The following ANXA4 variants were observed in gnomAD, a reference collection of about 807,000 sequenced individuals.
ANXA4 encodes annexin A4.
Under a neutral mutation model 49.8 loss-of-function variants are expected in ANXA4, and 39 were observed. That is an observed-to-expected ratio of 0.78 (90% CI 0.61 to 1.02). The LOEUF (loss-of-function observed/expected upper bound fraction) is 1.02. Among genes scored for constraint, ANXA4 ranks in the 50% least tolerant of loss-of-function variants. The pLI is 0.00. For missense variants in ANXA4, 360 were observed against 410.1 expected (o/e 0.88, Z 1.05); for synonymous variants, 134 against 152.5 (o/e 0.88, Z 0.89).
At chr2:69,761,697 G>GA (rs1671294432) in intron 1 of ANXA4, among the ~76,000 whole-genome samples, 1 of 151,310 alleles carries the variant, frequency 6.6e-6, no homozygotes, top group Non-Finnish European at 1.5e-5. Flanking sequence ...GAGGTGGTAG[G>GA]ATCGCTTGAG....
chr2:69,644,654 C>G (rs549139988), exon 1 of ANXA4: 1 of 152,342 alleles, frequency 6.6e-6, no homozygotes, highest in South Asian at 2.1e-4. Flanking sequence ...GGCTTGACCT[C>G]AAAACTCGGG....
intron 1 of ANXA4, among the ~76,000 whole-genome samples, chr2:69,750,553 T>C: frequency 6.6e-6 from 1 of 152,144 alleles, no homozygotes; most frequent in East Asian, 1.9e-4. Flanking sequence ...GCTGGAACTA[T>C]AGGCACGCGC....
chr2:69,645,807 C>T (rs902530558), intron 1 of ANXA4, among the ~76,000 whole-genome samples: 1 of 152,160 alleles, frequency 6.6e-6, no homozygotes, highest in Non-Finnish European at 1.5e-5. Context: ...GACAAATCCA[C>T]AGTTTTTCAT....
rs182537023 is a variant in ANXA4, at chr2:69,697,447, C to T, written n.767-23327C>T. Among the ~76,000 whole-genome samples, 23 of 152,292 alleles carry T rather than the reference C, an allele frequency of 1.5e-4. No homozygotes were observed. The East Asian group carries it at 4.2e-3, about 28-fold the overall frequency. ...CTATCCAGCTCACTGAAACTTTCTC[C>T]GTATCAATGCTGTTTCGCTTTCTTA... is the stretch of plus-strand genomic sequence containing the variant. On this transcript the variant is annotated intron_variant and non_coding_transcript_variant, in intron 2 of 3. Transcript: ENST00000418066.
upstream of ANXA4, chr2:69,643,821 C>T (rs926060981): frequency 1.7e-6 from 2 of 1,183,422 alleles, no homozygotes; most frequent in Middle Eastern, 6.8e-4. Flanking sequence ...GGAAGTGCCC[C>T]TCGGGGCGGC....
chr2:69,718,551 C>T (rs1669714001), intron 2 of ANXA4, among the ~76,000 whole-genome samples: 1 of 152,230 alleles, frequency 6.6e-6, no homozygotes, highest in Admixed American at 6.5e-5. Context: ...ATTACTTACA[C>T]TTTCCAGAAC....
intron 2 of ANXA4, among the ~76,000 whole-genome samples, chr2:69,665,263 G>T (rs1238093599): frequency 1.3e-5 from 2 of 152,118 alleles, no homozygotes; most frequent in African/African-American, 2.4e-5. Flanking sequence ...AACAGACCAC[G>T]TTAAAATAGA....
intron 7 of ANXA4, 154 bp downstream of exon 7, chr2:69,810,827 G>C: frequency 1.6e-6 from 1 of 639,318 alleles, no homozygotes. Flanking sequence ...TTCTCCTTCA[G>C]AGACTCTGGC....
At chr2:69,790,173 G>C (rs890912045) in intron 3 of ANXA4, among the ~76,000 whole-genome samples, 3 of 152,094 alleles carry the variant, frequency 2.0e-5, no homozygotes, top group Admixed American at 2.0e-4. Flanking sequence ...AAAGTTTTCT[G>C]CTGGGGACTC....
chr2:69,773,939 T>G (rs1359376135), intron 1 of ANXA4, among the ~76,000 whole-genome samples: 1 of 151,808 alleles, frequency 6.6e-6, no homozygotes, highest in Non-Finnish European at 1.5e-5. Flanking sequence ...CTCAAGCAAT[T>G]CTTGTACCTC....
At chr2:69,766,536 C>T (rs1452889238) in intron 1 of ANXA4, among the ~76,000 whole-genome samples, 1 of 152,164 alleles carries the variant, frequency 6.6e-6, no homozygotes, top group Non-Finnish European at 1.5e-5. Context: ...GGGCTCCAAC[C>T]ACTTTGTTAT....
intron 2 of ANXA4, among the ~76,000 whole-genome samples, chr2:69,679,769 T>C (rs559277372): frequency 6.6e-6 from 1 of 152,334 alleles, no homozygotes; most frequent in Non-Finnish European, 1.5e-5. Flanking sequence ...GGGTGTCCTT[T>C]TCTCAATGTC....
At chr2:69,661,626 G>A (rs1676724426) in intron 2 of ANXA4, among the ~76,000 whole-genome samples, 2 of 152,100 alleles carry the variant, frequency 1.3e-5, no homozygotes, top group Admixed American at 1.3e-4. Context: ...AATAATAAGA[G>A]TTTGGAACCT....
At chr2:69,680,650 G>A (rs1266148498) in intron 2 of ANXA4, among the ~76,000 whole-genome samples, 1 of 152,044 alleles carries the variant, frequency 6.6e-6, no homozygotes, top group Admixed American at 6.6e-5. Context: ...TGTCCTATAT[G>A]GCCTTTAGTA....
At chr2:69,737,633 T>C (rs751624593), upstream of ANXA4, among the ~76,000 whole-genome samples, 1 of 152,172 alleles carries the variant, frequency 6.6e-6, no homozygotes, top group Non-Finnish European at 1.5e-5. Flanking sequence ...TGTCTCGCTA[T>C]GTCACCCAGG....
upstream of ANXA4, among the ~76,000 whole-genome samples, chr2:69,737,124 A>G (rs927842915): frequency 6.6e-6 from 1 of 152,212 alleles, no homozygotes; most frequent in Non-Finnish European, 1.5e-5. Flanking sequence ...TTTTAAAGAC[A>G]TTATTCCATT....
intron 1 of ANXA4, among the ~76,000 whole-genome samples, chr2:69,651,611 T>C (rs1676237274): frequency 6.6e-6 from 1 of 151,634 alleles, no homozygotes; most frequent in Non-Finnish European, 1.5e-5. Flanking sequence ...CACGCCATTC[T>C]CCTGCCTCGG....
chr2:69,729,386 A>G (rs1277977987), intron 3 of ANXA4, among the ~76,000 whole-genome samples: 1 of 152,168 alleles, frequency 6.6e-6, no homozygotes, highest in Admixed American at 6.5e-5. Flanking sequence ...TAGGCATTTG[A>G]TGTTTGACAA....
At chr2:69,808,187 C>A in intron 6 of ANXA4, 191 bp downstream of exon 6, 1 of 576,974 alleles carries the variant, frequency 1.7e-6, no homozygotes, top group African/African-American at 1.9e-5. Context: ...TAAGATTTCT[C>A]AGGTGAAGAT....
Sources: gnomAD v4.1 joint callset for allele counts (sites outside exome capture counted in the v4.1 genomes callset) on GRCh38, gnomAD v4.1.1 for gene constraint, MANE v1.5 for transcripts, NCBI Gene and HGNC (gene_info 2026-07-23, HGNC 2026-07-21) for gene names.